Variants in DOCK3 observed in about 807,000 individuals in gnomAD.
The protein encoded by DOCK3 is dedicator of cytokinesis 3.
A neutral mutation model predicts 265.6 loss-of-function variants in DOCK3; 60 were observed. The ratio of observed to expected loss-of-function variants is 0.23; its 90% CI spans 0.18 to 0.28. The LOEUF is 0.28. Among genes scored for constraint, DOCK3 ranks in the 10% least tolerant of loss-of-function variants. The pLI, the probability that DOCK3 is intolerant of heterozygous loss-of-function variation, is 1.00. For missense variants in DOCK3, 1,981 were observed against 2,594.3 expected (o/e 0.76, Z 5.14); for synonymous variants, 881 against 938.0 (o/e 0.94, Z 1.11).
intron 27 of DOCK3, among the ~76,000 whole-genome samples, chr3:51,308,785 G>A (rs2082861387): frequency 6.6e-6 from 1 of 151,906 alleles, no homozygotes; most frequent in Admixed American, 6.6e-5. Context: ...TCACTTCCCA[G>A]TAGGGGCAGC....
At chr3:50,801,068 G>A (rs571436678) in intron 2 of DOCK3, among the ~76,000 whole-genome samples, 20 of 152,006 alleles carry the variant, frequency 1.3e-4, no homozygotes, top group Non-Finnish European at 2.2e-4. Context: ...TTTCAGTGTC[G>A]TAAAAGAAAT....
At chr3:51,353,459 A>G (rs1437183958) in intron 40 of DOCK3, among the ~76,000 whole-genome samples, 2 of 152,204 alleles carry the variant, frequency 1.3e-5, no homozygotes, top group East Asian at 3.9e-4. Context: ...TAAAAATACA[A>G]AAATTAGCCA....
intron 9 of DOCK3, among the ~76,000 whole-genome samples, chr3:51,091,736 A>G (rs1305306955): frequency 2.0e-5 from 3 of 151,480 alleles, no homozygotes; most frequent in African/African-American, 7.3e-5. Context: ...GAATAGGAAC[A>G]GCTCTGGTCT....
At chr3:51,037,465 C>T (rs2080313667) in intron 5 of DOCK3, among the ~76,000 whole-genome samples, 1 of 152,062 alleles carries the variant, frequency 6.6e-6, no homozygotes, top group African/African-American at 2.4e-5. Context: ...GGTTTTTATT[C>T]ATTCCTTTCC....
intron 22 of DOCK3, among the ~76,000 whole-genome samples, chr3:51,259,080 G>T (rs1233009773): frequency 1.3e-5 from 2 of 152,250 alleles, no homozygotes; most frequent in Non-Finnish European, 2.9e-5. Flanking sequence ...GCATTAAAAA[G>T]CTACTAGAAC....
At chr3:50,939,115 A>G (rs1432853253) in intron 5 of DOCK3, among the ~76,000 whole-genome samples, 5 of 152,102 alleles carry the variant, frequency 3.3e-5, no homozygotes, top group African/African-American at 9.6e-5. Context: ...ATCACCACAG[A>G]CATTAAGCAG....
At chr3:50,906,360 C>T (rs1315838831) in intron 4 of DOCK3, among the ~76,000 whole-genome samples, 3 of 151,978 alleles carry the variant, frequency 2.0e-5, no homozygotes, top group Non-Finnish European at 4.4e-5. Flanking sequence ...CCTTGTACCT[C>T]TGGTCAAATT....
chr3:50,709,841 A>T (rs1337542312), intron 1 of DOCK3, among the ~76,000 whole-genome samples: 1 of 152,136 alleles, frequency 6.6e-6, no homozygotes, highest in African/African-American at 2.4e-5. Context: ...ATAAATAAAC[A>T]GGTGGGCTTT....
At chr3:51,115,635 C>G (rs1469278778) in intron 9 of DOCK3, among the ~76,000 whole-genome samples, 5 of 152,158 alleles carry the variant, frequency 3.3e-5, no homozygotes, top group Non-Finnish European at 5.9e-5. Context: ...TGTGCAGAAG[C>G]TCTTTAGCTT....
At chr3:50,798,533 C>A (rs765147996) in intron 2 of DOCK3, among the ~76,000 whole-genome samples, 5 of 152,028 alleles carry the variant, frequency 3.3e-5, no homozygotes, top group Non-Finnish European at 7.4e-5. Flanking sequence ...TTAGGTCAAG[C>A]CTGTGTTCTT....
chr3:50,806,737 G>T (rs1363668064), intron 2 of DOCK3, among the ~76,000 whole-genome samples: 1 of 151,982 alleles, frequency 6.6e-6, no homozygotes, highest in East Asian at 1.9e-4. Flanking sequence ...GAGCCCCATT[G>T]GTGGAGAAGT....
chr3:51,087,135 G>C (rs997496242), intron 7 of DOCK3, among the ~76,000 whole-genome samples: 1 of 152,090 alleles, frequency 6.6e-6, no homozygotes. Context: ...TGAGACCAGC[G>C]TTACACATTA....
chr3:51,249,039 C>A (rs555080320), intron 22 of DOCK3, among the ~76,000 whole-genome samples: 15 of 151,906 alleles, frequency 9.9e-5, no homozygotes, highest in African/African-American at 3.6e-4. Context: ...CGCCCGGCAG[C>A]CACCCCGTCT....
intron 51 of DOCK3, among the ~76,000 whole-genome samples, chr3:51,376,989 G>C (rs1576991076): frequency 1.3e-5 from 2 of 152,254 alleles, no homozygotes; most frequent in South Asian, 4.1e-4. Context: ...TTTTCGCCTG[G>C]AGGGCCAGAA....
intron 3 of DOCK3, among the ~76,000 whole-genome samples, chr3:50,884,366 C>T (rs1305007369): frequency 6.6e-6 from 1 of 152,208 alleles, no homozygotes; most frequent in Admixed American, 6.6e-5. Flanking sequence ...GCTGAGATTA[C>T]AGGCATGAGC....
At chr3:51,008,809 TGA>T in intron 5 of DOCK3, among the ~76,000 whole-genome samples, 1 of 152,216 alleles carries the variant, frequency 6.6e-6, no homozygotes, top group East Asian at 1.9e-4. Context: ...TTTAGTTTAT[TGA>T]GAGTTTTTAG....
intron 5 of DOCK3, among the ~76,000 whole-genome samples, chr3:51,059,867 G>A (rs137870716): frequency 6.6e-6 from 1 of 152,102 alleles, no homozygotes; most frequent in African/African-American, 2.4e-5. Flanking sequence ...ATCTGTTCAT[G>A]TCTACTCAAG....
chr3:51,326,587 TTG>T (rs1560441268), intron 32 of DOCK3, among the ~76,000 whole-genome samples: 13 of 6,990 alleles, frequency 1.9e-3, no homozygotes, highest in African/African-American at 6.7e-3. Flanking sequence ...GCATGTTTTG[TTG>T]TTGTTGTTGT....
chr3:50,704,625 ATTT>A (rs58284778), intron 1 of DOCK3, among the ~76,000 whole-genome samples: 16 of 111,016 alleles, frequency 1.4e-4, no homozygotes, highest in Non-Finnish European at 9.6e-5. Flanking sequence ...TGTAGGCAGC[ATTT>A]TTTTTTTTTT....
Sources: allele counts gnomAD v4.1 joint callset (sites outside exome capture counted in the v4.1 genomes callset), GRCh38; gene constraint gnomAD v4.1.1; transcripts MANE v1.5; gene names NCBI Gene and HGNC (gene_info 2026-07-23, HGNC 2026-07-21).